The following SNTG1 variants were observed in gnomAD, a reference collection of about 807,000 sequenced individuals.
SNTG1 encodes the protein syntrophin gamma 1.
Under a neutral mutation model 74.7 loss-of-function variants are expected in SNTG1, and 39 were observed. The ratio of observed to expected loss-of-function variants is 0.52; its 90% CI spans 0.40 to 0.68. The LOEUF is 0.68. Ranked by LOEUF, SNTG1 falls within the 30% of genes least tolerant of loss-of-function variation. The pLI is 0.00. For synonymous variants in SNTG1, 254 were observed against 217.1 expected, an observed-to-expected ratio of 1.17 and a Z score of -1.49; for missense variants, 685 against 609.5, an observed-to-expected ratio of 1.12 and a Z score of -1.30.
At chr8:50,321,409 A>G (rs2090524002) in intron 2 of SNTG1, among the ~76,000 whole-genome samples, 1 of 151,976 alleles carries the variant, frequency 6.6e-6, no homozygotes, top group African/African-American at 2.4e-5. Context: ...CTTTATTATC[A>G]GTCTATGTGT....
intron 1 of SNTG1, among the ~76,000 whole-genome samples, chr8:50,018,625 C>A (rs1816551939): frequency 6.6e-6 from 1 of 151,442 alleles, no homozygotes; most frequent in South Asian, 2.1e-4. Context: ...ATATCAAAAG[C>A]AAAAAAGATA....
At chr8:50,682,936 A>G (rs2095337047) in intron 15 of SNTG1, among the ~76,000 whole-genome samples, 1 of 152,076 alleles carries the variant, frequency 6.6e-6, no homozygotes, top group Non-Finnish European at 1.5e-5. Flanking sequence ...CCTGAAGATC[A>G]TTTTTCCTAT....
chr8:50,435,514 A>C (rs1282927726), intron 4 of SNTG1, among the ~76,000 whole-genome samples: 26 of 152,068 alleles, frequency 1.7e-4, no homozygotes, highest in Non-Finnish European at 8.8e-5. Context: ...CAGAGGTGTA[A>C]GGGGATAAAG....
intron 1 of SNTG1, among the ~76,000 whole-genome samples, chr8:50,022,070 C>T (rs1816873961): frequency 6.6e-6 from 1 of 151,938 alleles, no homozygotes; most frequent in South Asian, 2.1e-4. Flanking sequence ...TCAGCATACA[C>T]CTAAGAATAC....
intron 15 of SNTG1, among the ~76,000 whole-genome samples, chr8:50,682,990 C>A (rs2095337249): frequency 6.6e-6 from 1 of 152,188 alleles, no homozygotes; most frequent in Non-Finnish European, 1.5e-5. Flanking sequence ...GTACTCCCTA[C>A]TGCATTTAAC....
At chr8:50,071,940 T>C (rs1821405323) in intron 1 of SNTG1, among the ~76,000 whole-genome samples, 1 of 152,238 alleles carries the variant, frequency 6.6e-6, no homozygotes, top group Non-Finnish European at 1.5e-5. Flanking sequence ...ATTCATATTT[T>C]GTTCTTTTCC....
intron 12 of SNTG1, among the ~76,000 whole-genome samples, chr8:50,581,004 T>C (rs1468356678): frequency 6.6e-6 from 1 of 152,192 alleles, no homozygotes; most frequent in East Asian, 1.9e-4. Context: ...GTTCTTTTGT[T>C]TCTGAAGTAA....
chr8:50,702,748 CAACCTGAGACAGCAT>C (rs1052275774), intron 15 of SNTG1, among the ~76,000 whole-genome samples: 2 of 152,140 alleles, frequency 1.3e-5, no homozygotes, highest in African/African-American at 4.8e-5. Flanking sequence ...TTTGCTTGCA[CAACCTGAGACAGCAT>C]AACGTACTGC....
intron 15 of SNTG1, among the ~76,000 whole-genome samples, chr8:50,669,069 C>G (rs894416124): frequency 6.6e-6 from 1 of 151,782 alleles, no homozygotes; most frequent in Non-Finnish European, 1.5e-5. Flanking sequence ...GCAATAAATG[C>G]CCACAAGAGA....
At chr8:50,391,809 G>T (rs10101437) in intron 2 of SNTG1, among the ~76,000 whole-genome samples, 2,757 of 152,186 alleles carry the variant, frequency 0.018, 79 homozygotes, top group African/African-American at 0.063. Flanking sequence ...GAGTGTGTAT[G>T]TGTTGAGTAA....
chr8:50,324,265 A>G (rs1019176287), intron 2 of SNTG1, among the ~76,000 whole-genome samples: 1 of 152,178 alleles, frequency 6.6e-6, no homozygotes, highest in Non-Finnish European at 1.5e-5. Flanking sequence ...AGTTTGATGT[A>G]AAGTCCCTCA....
At chr8:50,654,573 A>T (rs1221882297) in intron 13 of SNTG1, among the ~76,000 whole-genome samples, 1 of 152,096 alleles carries the variant, frequency 6.6e-6, no homozygotes, top group Non-Finnish European at 1.5e-5. Flanking sequence ...TATTGTTTTT[A>T]TTCTTCATGT....
At position 50,794,618 on chromosome 8, in the gene SNTG1, A is replaced by C. The variant is rs1343846477; in HGVS notation, c.*1789A>C. 2.0e-5 allele frequency: 3 copies of C among 152,026 alleles called. No individual in the cohort carries two copies. Among genetic ancestry groups the C allele is most frequent in the African/African-American group, 7.2e-5 (3 of 41,436 alleles). The allele number at this position is 152,026 out of a possible 1,614,324, so 9.4% of individuals were successfully genotyped here. A position where few individuals can be genotyped will look rare whatever the true frequency, so the allele number is the denominator to read the frequency against. On this transcript the variant is annotated 3_prime_UTR_variant, in exon 19 of 19. Coordinates refer to ENST00000642720, the MANE Select transcript of SNTG1 (RefSeq NM_018967.5). The stretch of plus-strand genomic sequence containing the variant: ...AAACCCACCAAAAGCAGCCTTCAGT[A>C]GTAGGCCACTTCTGAACTTATGGAG...
intron 2 of SNTG1, among the ~76,000 whole-genome samples, chr8:50,207,913 G>T (rs1299062660): frequency 6.6e-6 from 1 of 152,192 alleles, no homozygotes; most frequent in Non-Finnish European, 1.5e-5. Flanking sequence ...TAGTTTGATT[G>T]CACTGTGATC....
At chr8:49,972,126 C>A (rs982006304) in intron 1 of SNTG1, among the ~76,000 whole-genome samples, 4 of 152,132 alleles carry the variant, frequency 2.6e-5, no homozygotes, top group Non-Finnish European at 4.4e-5. Flanking sequence ...TACTACAAGG[C>A]CACAGTAACC....
At chr8:50,792,600 A>G in intron 18 of SNTG1, 71 bp from the exon 19 acceptor site, 1 of 1,437,130 alleles carries the variant, frequency 7.0e-7, no homozygotes, top group Non-Finnish European at 9.4e-7. Flanking sequence ...ATTGAAAAAA[A>G]ATCTAGCTAT....
intron 8 of SNTG1, among the ~76,000 whole-genome samples, chr8:50,461,942 CAT>C (rs769029949): frequency 2.4e-4 from 37 of 152,066 alleles, no homozygotes; most frequent in Non-Finnish European, 3.5e-4. Context: ...AGGAAGGAAA[CAT>C]GTGTATACAT....
At chr8:50,615,783 A>G (rs2094881744) in intron 13 of SNTG1, among the ~76,000 whole-genome samples, 1 of 152,244 alleles carries the variant, frequency 6.6e-6, no homozygotes, top group Non-Finnish European at 1.5e-5. Flanking sequence ...CCACAAAAAT[A>G]GCAGCTGTAG....
chr8:49,990,315 A>G (rs977438420), intron 1 of SNTG1, among the ~76,000 whole-genome samples: 2 of 152,100 alleles, frequency 1.3e-5, no homozygotes, highest in African/African-American at 4.8e-5. Context: ...TGTAAGACTG[A>G]AACTGTAAAT....
Sources: gnomAD v4.1 joint callset for allele counts (sites outside exome capture counted in the v4.1 genomes callset) on GRCh38, gnomAD v4.1.1 for gene constraint, MANE v1.5 for transcripts, NCBI Gene and HGNC (gene_info 2026-07-23, HGNC 2026-07-21) for gene names.